Variants in KRT222 observed in about 807,000 individuals in gnomAD.
KRT222 encodes the protein keratin 222.
KRT222 carries 23 observed loss-of-function variants against 35.0 expected under a neutral mutation model. The ratio of observed to expected loss-of-function variants is 0.66; its 90% CI spans 0.47 to 0.93. The LOEUF is 0.93. KRT222 is among the 40% of genes least tolerant of loss of function. KRT222 has a pLI of 0.00. For synonymous variants in KRT222, 108 were observed against 118.8 expected, an observed-to-expected ratio of 0.91 and a Z score of 0.59; for missense variants, 339 against 346.3, an observed-to-expected ratio of 0.98 and a Z score of 0.17.
At position 40,662,027 on chromosome 17, in the gene KRT222, G is replaced by C. The variant is rs1325684344; in HGVS notation, c.114C>G (p.Ser38Arg). ...STRIQLEEDI[S>R]KKMDKDEEAL... ...CCTCTTCATCTTTGTCCATTTTTTT[G>C]CTTATGTCTTCTTCTAGCTAACAAG... Residue 38 changes from serine to arginine, a missense_variant, in exon 2 of 6, where the codon AGC becomes AGG. Coordinates refer to ENST00000394052, the MANE Select transcript of KRT222 (RefSeq NM_152349.3). The C allele has an allele frequency of 1.2e-6, 2 of 1,613,366 alleles. No individual in the cohort carries two copies. Among genetic ancestry groups the C allele is most frequent in the Non-Finnish European group, 1.7e-6 (2 of 1,179,790 alleles).
At chr17:40,660,469 CG>C (rs1488739176) in intron 2 of KRT222, among the ~76,000 whole-genome samples, 3 of 151,684 alleles carry the variant, frequency 2.0e-5, no homozygotes, top group African/African-American at 7.3e-5. Context: ...TTAGTAGAGG[CG>C]GGGTTTCATC....
At chr17:40,656,765 C>T (rs2037347501) in intron 5 of KRT222, 135 bp from the exon 6 acceptor site, 2 of 537,432 alleles carry the variant, frequency 3.7e-6, no homozygotes, top group Non-Finnish European at 6.5e-6. Flanking sequence ...AATGTACATA[C>T]TTTAAAAATC....
chr17:40,662,019 A>G lies in KRT222; in HGVS notation c.122T>C (p.Met41Thr). 2 of 1,613,894 alleles carry G rather than the reference A, an allele frequency of 1.2e-6. No individual in the cohort carries two copies. Among genetic ancestry groups the G allele is most frequent in the Non-Finnish European group, 1.7e-6 (2 of 1,179,956 alleles). Residue 41 changes from methionine (M) to threonine (T), a missense_variant, in exon 2 of 6, where the codon ATG (methionine) becomes ACG (threonine). Coordinates refer to ENST00000394052, the MANE Select transcript of KRT222 (RefSeq NM_152349.3). ...CTTCAAAGCCTCTTCATCTTTGTCC[A>G]TTTTTTTGCTTATGTCTTCTTCTAG... ...IQLEEDISKK[M>T]DKDEEALKAA...
rs2037371882 is a variant in KRT222 at position 40,660,082 on chromosome 17, CT to C, written c.350del (p.Lys117SerfsTer14). The C allele has an allele frequency of 6.2e-7, 1 of 1,614,116 alleles. No homozygotes were observed. The highest frequency in any genetic ancestry group is 2.2e-5 in the East Asian group (1 of 44,882). The part of the protein sequence containing the change: ...ELQEVRRGIE[K>X]QLQEHEMLLN... Reference sequence around the variant, plus strand: ...GAAGCATCTCGTGCTCTTGAAGCTGCTTTTCGATGCCGCGCCTTACTTCCTG... The same window carrying C: ...GAAGCATCTCGTGCTCTTGAAGCTGCTTTCGATGCCGCGCCTTACTTCCTG... On this transcript the variant is annotated frameshift_variant, in exon 3 of 6. Coordinates refer to ENST00000394052, the MANE Select transcript of KRT222 (RefSeq NM_152349.3). LOFTEE classifies it high-confidence loss of function.
chr17:40,661,361 G>C (rs1010761035), intron 2 of KRT222, among the ~76,000 whole-genome samples: 2 of 151,510 alleles, frequency 1.3e-5, no homozygotes, highest in African/African-American at 2.4e-5. Flanking sequence ...CTGCCTCCCA[G>C]GTTCAAGTAA....
chr17:40,661,339 T>G (rs1055362762), intron 2 of KRT222, among the ~76,000 whole-genome samples: 2 of 151,830 alleles, frequency 1.3e-5, no homozygotes. Flanking sequence ...TGATCTTGGC[T>G]TACTGCAACC....
At chr17:40,664,576 C>T (rs1026119055) in intron 1 of KRT222, among the ~76,000 whole-genome samples, 5 of 152,132 alleles carry the variant, frequency 3.3e-5, no homozygotes, top group African/African-American at 1.2e-4. Context: ...AGAAATATCT[C>T]TAGAAAGTGT....
chr17:40,660,233 G>T, intron 2 of KRT222, 26 bp from the exon 3 acceptor site: 6 of 1,563,790 alleles, frequency 3.8e-6, no homozygotes, highest in Non-Finnish European at 5.3e-6. Context: ...TTTCATCAGT[G>T]AATCAGTAAC....
Position 40,662,061 on chromosome 17 carries a change from CA to C in KRT222, c.97-18del. On this transcript the variant is annotated intron_variant, in intron 1 of 5. Transcript: ENST00000394052. ...TTCTTCTAGCTAACAAGAAAGCCAA[CA>C]GCAACAATAACAAACAAAAAACAAG... 1 of 1,609,720 alleles carries C rather than the reference CA, an allele frequency of 6.2e-7. No homozygotes were observed. Among genetic ancestry groups the C allele is most frequent in the Non-Finnish European group, 8.5e-7 (1 of 1,178,756 alleles).
At chr17:40,662,414 TC>T (rs1179243997) in intron 1 of KRT222, among the ~76,000 whole-genome samples, 1 of 152,056 alleles carries the variant, frequency 6.6e-6, no homozygotes, top group Non-Finnish European at 1.5e-5. Flanking sequence ...ATTAGCTATT[TC>T]CCCCCACATT....
In KRT222 at chr17:40,660,971, G is replaced by T. The variant is rs558141366; in HGVS notation, c.226-764C>A. Among the ~76,000 whole-genome samples, 4 of 152,350 alleles carry T rather than the reference G, an allele frequency of 2.6e-5. No individual in the cohort carries two copies. In the East Asian group the frequency reaches 7.7e-4, roughly 29 times the overall value. ...TTTGTTTGTTTGTTTGTTTGAGACA[G>T]TCTCGCTCTGTCGCTCATGCTGGAG... On this transcript the variant is annotated intron_variant, in intron 2 of 5. Coordinates refer to ENST00000394052, the MANE Select transcript of KRT222 (RefSeq NM_152349.3).
intron 3 of KRT222, among the ~76,000 whole-genome samples, chr17:40,659,328 G>GTAT (rs1220396079): frequency 6.6e-6 from 1 of 151,380 alleles, no homozygotes; most frequent in Non-Finnish European, 1.5e-5. Flanking sequence ...GCTAATTTTT[G>GTAT]TATTATTATT....
In KRT222 at chr17:40,656,400, G is replaced by A. The variant is rs1286293999; in HGVS notation, c.*2C>T. ...CCAATCAAGTCAAATACTATCTTTG[G>A]ATTAATTAGCTGTTGATGGAGGTTT... On this transcript the variant is annotated 3_prime_UTR_variant, in exon 6 of 6. Transcript: ENST00000394052. 2 of 1,608,954 alleles carry A rather than the reference G, an allele frequency of 1.2e-6. No homozygotes were observed. The highest frequency in any genetic ancestry group is 3.3e-5 in the Admixed American group (2 of 60,010).
At chr17:40,661,867 A>G in intron 2 of KRT222, 49 bp downstream of exon 2, 1 of 1,581,186 alleles carries the variant, frequency 6.3e-7, no homozygotes, top group Non-Finnish European at 8.6e-7. Flanking sequence ...TCTTAATCAA[A>G]TCACATCTGA....
chr17:40,663,676 G>A (rs2037401153), intron 1 of KRT222, among the ~76,000 whole-genome samples: 1 of 152,164 alleles, frequency 6.6e-6, no homozygotes, highest in Non-Finnish European at 1.5e-5. Flanking sequence ...TAACTAATCA[G>A]GCTGTCTTGA....
At chr17:40,658,499 T>A (rs532403961) in intron 3 of KRT222, among the ~76,000 whole-genome samples, 1 of 152,254 alleles carries the variant, frequency 6.6e-6, no homozygotes, top group East Asian at 1.9e-4. Flanking sequence ...CCAGGTATTG[T>A]TTTAAGCACT....
intron 1 of KRT222, chr17:40,664,794 A>G: frequency 1.3e-6 from 1 of 746,968 alleles, no homozygotes; most frequent in Non-Finnish European, 2.0e-6. Flanking sequence ...CAAATGCATC[A>G]ATCAACACTT....
intron 2 of KRT222, 46 bp from the exon 3 acceptor site, chr17:40,660,253 G>T: frequency 4.8e-6 from 7 of 1,443,748 alleles, no homozygotes; most frequent in African/African-American, 1.4e-5. Flanking sequence ...CACAGAATGT[G>T]TTTCTGAAAT....
intron 3 of KRT222, among the ~76,000 whole-genome samples, chr17:40,659,220 G>C (rs1179963255): frequency 6.6e-6 from 1 of 150,564 alleles, no homozygotes; most frequent in East Asian, 2.0e-4. Flanking sequence ...CAGTGGCGCA[G>C]TCTCGGCTCA....
Sources: gnomAD v4.1 joint callset for allele counts (sites outside exome capture counted in the v4.1 genomes callset) on GRCh38, gnomAD v4.1.1 for gene constraint, MANE v1.5 for transcripts, NCBI Gene and HGNC (gene_info 2026-07-23, HGNC 2026-07-21) for gene names.